DPYD: variants seen among roughly 807,000 people sequenced by gnomAD.
DPYD encodes dihydropyrimidine dehydrogenase.
Under a neutral mutation model 116.2 loss-of-function variants are expected in DPYD, and 109 were observed. That is an observed-to-expected ratio of 0.94 (90% CI 0.80 to 1.10). The LOEUF (loss-of-function observed/expected upper bound fraction) is 1.10, where lower values mean the gene tolerates loss of function less well. Among genes scored for constraint, DPYD ranks in the 50% least tolerant of loss-of-function variants. The pLI, the probability that DPYD is intolerant of heterozygous loss-of-function variation, is 0.00. For synonymous variants in DPYD, 440 were observed against 432.0 expected, an observed-to-expected ratio of 1.02 and a Z score of -0.23; for missense variants, 1,302 against 1,254.5, an observed-to-expected ratio of 1.04 and a Z score of -0.57.
intron 16 of DPYD, among the ~76,000 whole-genome samples, chr1:97,353,618 C>T (rs1670258568): frequency 6.8e-6 from 1 of 147,480 alleles, no homozygotes; most frequent in East Asian, 2.0e-4. Flanking sequence ...AACTGGAAAA[C>T]TGCATTCTGT....
chr1:97,189,844 T>C (rs1302080937), intron 20 of DPYD, among the ~76,000 whole-genome samples: 2 of 152,154 alleles, frequency 1.3e-5, no homozygotes, highest in Non-Finnish European at 2.9e-5. Flanking sequence ...CAACCTGGAA[T>C]CAAACACGTT....
intron 13 of DPYD, among the ~76,000 whole-genome samples, chr1:97,472,538 CCAAAA>C (rs1352393124): frequency 1.3e-5 from 2 of 152,256 alleles, no homozygotes; most frequent in East Asian, 3.9e-4. Context: ...AGTTGTGCAA[CCAAAA>C]CAAAACTTAT....
intron 18 of DPYD, among the ~76,000 whole-genome samples, chr1:97,277,481 C>T (rs781727212): frequency 2.6e-5 from 4 of 152,112 alleles, no homozygotes; most frequent in East Asian, 1.9e-4. Context: ...TACTCTTTTG[C>T]CATAAAGCTG....
chr1:97,374,797 C>A (rs78974981), intron 15 of DPYD, among the ~76,000 whole-genome samples: 1 of 144,026 alleles, frequency 6.9e-6, no homozygotes, highest in Non-Finnish European at 1.5e-5. Context: ...AATCCTAGCA[C>A]GGTGGGAGGA....
chr1:97,228,580 T>C (rs2100723383), intron 19 of DPYD, among the ~76,000 whole-genome samples: 1 of 152,306 alleles, frequency 6.6e-6, no homozygotes, highest in African/African-American at 2.4e-5. Flanking sequence ...AATCAAAATA[T>C]TTATTTATAT....
At chr1:97,200,521 T>C (rs1384254775) in intron 19 of DPYD, among the ~76,000 whole-genome samples, 3 of 152,172 alleles carry the variant, frequency 2.0e-5, no homozygotes. Context: ...GGGTTGTTCA[T>C]CCAATTCTTA....
intron 8 of DPYD, among the ~76,000 whole-genome samples, chr1:97,646,514 T>C (rs140790704): frequency 1.2e-3 from 190 of 152,226 alleles, no homozygotes; most frequent in African/African-American, 4.5e-3. Context: ...GCTTATGCTT[T>C]ATGGTTTTCA....
chr1:97,596,836 G>A (rs1654921048), intron 8 of DPYD, among the ~76,000 whole-genome samples: 2 of 152,100 alleles, frequency 1.3e-5, no homozygotes, highest in Admixed American at 1.3e-4. Flanking sequence ...CTTTTCCATA[G>A]CATTTGCTCA....
At chr1:97,653,531 C>G (rs1658717528) in intron 8 of DPYD, among the ~76,000 whole-genome samples, 1 of 152,040 alleles carries the variant, frequency 6.6e-6, no homozygotes, top group Non-Finnish European at 1.5e-5. Context: ...TCTCTGTCTC[C>G]TGACCTCGTG....
intron 14 of DPYD, among the ~76,000 whole-genome samples, chr1:97,440,167 C>G (rs1012761856): frequency 2.6e-5 from 4 of 150,948 alleles, no homozygotes; most frequent in Non-Finnish European, 1.5e-5. Context: ...CCCAACTACT[C>G]GGGAGGCTGA....
chr1:97,290,902 C>G (rs1452703926), intron 18 of DPYD, among the ~76,000 whole-genome samples: 1 of 151,804 alleles, frequency 6.6e-6, no homozygotes, highest in Non-Finnish European at 1.5e-5. Flanking sequence ...AACAGGCAAC[C>G]TACAAAATGG....
chr1:97,538,005 T>G (rs970319107), intron 12 of DPYD, among the ~76,000 whole-genome samples: 1 of 151,130 alleles, frequency 6.6e-6, no homozygotes, highest in South Asian at 2.1e-4. Flanking sequence ...AGGCGGAGGT[T>G]GCAGTGAGCC....
chr1:97,329,688 G>GGTTACAGTGAGCCGAGACT (rs1668885876), intron 16 of DPYD, among the ~76,000 whole-genome samples: 1 of 150,428 alleles, frequency 6.6e-6, no homozygotes, highest in African/African-American at 2.5e-5. Flanking sequence ...AGGAGGTGGA[G>GGTTACAGTGAGCCGAGACT]GTTACAGTGA....
intron 13 of DPYD, among the ~76,000 whole-genome samples, chr1:97,489,252 C>T (rs897341612): frequency 3.3e-5 from 5 of 152,146 alleles, no homozygotes; most frequent in African/African-American, 4.8e-5. Flanking sequence ...ATTAAGCAAG[C>T]GCACCAGGTT....
chr1:97,670,595 A>T (rs1659808709), intron 8 of DPYD, among the ~76,000 whole-genome samples: 1 of 152,162 alleles, frequency 6.6e-6, no homozygotes, highest in African/African-American at 2.4e-5. Flanking sequence ...GTGAGAAAAT[A>T]AATGTTTGTT....
chr1:97,702,103 C>T (rs114242178), intron 5 of DPYD, among the ~76,000 whole-genome samples: 2,004 of 151,532 alleles, frequency 0.013, 20 homozygotes, highest in Middle Eastern at 0.024. Context: ...ATCTTTTATT[C>T]CTTTCTAAGC....
intron 3 of DPYD, among the ~76,000 whole-genome samples, chr1:97,749,865 C>A (rs1021812035): frequency 6.6e-6 from 1 of 152,014 alleles, no homozygotes; most frequent in African/African-American, 2.4e-5. Flanking sequence ...GATGACAGTA[C>A]TAACAGTTTT....
rs575909280 is a variant in DPYD at position 97,225,514 on chromosome 1, T to A, written c.2442+9338A>T. ...TCATTCATTTTTCTATGATTTCACA[T>A]TTTTTTTCTTCAAAGATCCTGAGTA... On this transcript the variant is annotated intron_variant, in intron 19 of 22. Transcript: ENST00000370192. Among the ~76,000 whole-genome samples, 5 of 151,614 alleles carry A rather than the reference T, an allele frequency of 3.3e-5. No individual in the cohort carries two copies. In the East Asian group the frequency reaches 7.7e-4, roughly 23 times the overall value.
At chr1:97,755,556 A>G (rs767271702) in intron 3 of DPYD, among the ~76,000 whole-genome samples, 4 of 152,168 alleles carry the variant, frequency 2.6e-5, no homozygotes, top group Non-Finnish European at 5.9e-5. Flanking sequence ...TCTCTGCCCA[A>G]CCACATTTAA....
Sources: gnomAD v4.1 joint callset for allele counts (sites outside exome capture counted in the v4.1 genomes callset) on GRCh38, gnomAD v4.1.1 for gene constraint, MANE v1.5 for transcripts, NCBI Gene and HGNC (gene_info 2026-07-23, HGNC 2026-07-21) for gene names.